The following FRMD4A variants were observed in gnomAD, a reference collection of about 807,000 sequenced individuals.
The protein encoded by FRMD4A is FERM domain containing 4A.
A neutral mutation model predicts 129.1 loss-of-function variants in FRMD4A; 29 were observed. The ratio of observed to expected loss-of-function variants is 0.22; its 90% CI spans 0.17 to 0.31. The LOEUF is 0.31. Among genes scored for constraint, FRMD4A ranks in the 10% least tolerant of loss-of-function variants. The pLI, the probability that FRMD4A is intolerant of heterozygous loss-of-function variation, is 1.00. For missense variants in FRMD4A, 1,272 were observed against 1,375.8 expected (o/e 0.92, Z 1.19); for synonymous variants, 634 against 571.6 (o/e 1.11, Z -1.56).
intron 14 of FRMD4A, among the ~76,000 whole-genome samples, chr10:13,695,598 G>GT (rs2134840780): frequency 6.6e-6 from 1 of 152,344 alleles, no homozygotes; most frequent in Admixed American, 6.5e-5. Flanking sequence ...GGCTTTGCCA[G>GT]TACACAGAAC....
At chr10:13,684,954 G>T in intron 15 of FRMD4A, 5 of 984,552 alleles carry the variant, frequency 5.1e-6, no homozygotes, top group Non-Finnish European at 6.0e-6. Context: ...AGACATCCCA[G>T]GAATAAATAT....
chr10:14,270,029 C>G (rs1028940768), intron 2 of FRMD4A, among the ~76,000 whole-genome samples: 2 of 152,210 alleles, frequency 1.3e-5, no homozygotes, highest in African/African-American at 4.8e-5. Flanking sequence ...CCATCTTCTC[C>G]TGTCCTTGGA....
Position 13,788,758 on chromosome 10 carries a change from A to G in FRMD4A, c.300-5752T>C, listed in dbSNP as rs185529762. Among the ~76,000 whole-genome samples, 204 of 152,354 alleles carry G rather than the reference A, an allele frequency of 1.3e-3. 6 individuals carry two copies. Among genetic ancestry groups the G allele is most frequent in the South Asian group, 2.5e-3 (12 of 4,826 alleles). On this transcript the variant is annotated intron_variant, in intron 5 of 24. Coordinates refer to ENST00000357447, the MANE Select transcript of FRMD4A (RefSeq NM_018027.5). ...ATCAGAGAGTCTGAAGGAGAACGAAATAGGTGCTCTGTGTTTATGTGTTTG... is the reference window on the plus strand; with the variant it reads ...ATCAGAGAGTCTGAAGGAGAACGAAGTAGGTGCTCTGTGTTTATGTGTTTG...
intron 2 of FRMD4A, among the ~76,000 whole-genome samples, chr10:14,221,281 T>C (rs1843251034): frequency 6.6e-6 from 1 of 152,098 alleles, no homozygotes; most frequent in Non-Finnish European, 1.5e-5. Flanking sequence ...TGGCTGTCCA[T>C]AGGTCAGGGA....
At chr10:13,744,681 C>G (rs571647492) in intron 9 of FRMD4A, 54 of 152,256 alleles carry the variant, frequency 3.5e-4, no homozygotes, top group African/African-American at 1.2e-3. Context: ...CAGGAAAGCC[C>G]CCGAAGAATG....
At chr10:14,282,807 G>A (rs1194145493) in intron 2 of FRMD4A, among the ~76,000 whole-genome samples, 1 of 152,224 alleles carries the variant, frequency 6.6e-6, no homozygotes, top group East Asian at 1.9e-4. Flanking sequence ...TTAAAATTAG[G>A]GTTCTTCAAG....
rs1489766458 is a variant in FRMD4A, at chr10:14,185,417, GT to G, written c.45+144640del. 6.6e-5 allele frequency among the ~76,000 whole-genome samples: 10 copies of G among 152,190 alleles called. No homozygotes were observed. The East Asian group carries it at 1.2e-3, about 18-fold the overall frequency. Reference sequence around the variant, plus strand: ...CATGAAAAAATCTACCACCCTAAGCGTAAGGAGAGCTAGTACAGATGAGGAT... The same window carrying G: ...CATGAAAAAATCTACCACCCTAAGCGAAGGAGAGCTAGTACAGATGAGGAT... On this transcript the variant is annotated intron_variant, in intron 2 of 24. Transcript: ENST00000357447.
At chr10:14,103,465 A>T (rs1239786866) in intron 2 of FRMD4A, among the ~76,000 whole-genome samples, 2 of 152,210 alleles carry the variant, frequency 1.3e-5, no homozygotes, top group Non-Finnish European at 2.9e-5. Context: ...GAGGAGCAAA[A>T]TTATACCAGA....
At chr10:14,220,923 C>A (rs895891377) in intron 2 of FRMD4A, among the ~76,000 whole-genome samples, 1 of 151,766 alleles carries the variant, frequency 6.6e-6, no homozygotes, top group African/African-American at 2.4e-5. Flanking sequence ...AGAGCAGAAC[C>A]CTACCATATT....
chr10:13,902,483 G>GAGAGAGAGAGAGTGAC (rs1376057266), intron 2 of FRMD4A, among the ~76,000 whole-genome samples: 2 of 151,256 alleles, frequency 1.3e-5, no homozygotes, highest in Non-Finnish European at 2.9e-5. Context: ...GAGAGAGAGA[G>GAGAGAGAGAGAGTGAC]AGAGAGAGTG....
chr10:13,891,524 G>A, intron 2 of FRMD4A: 1 of 825,358 alleles, frequency 1.2e-6, no homozygotes, highest in South Asian at 5.5e-5. Context: ...AGAAGCAGCG[G>A]CGCGTCCCTT....
chr10:13,828,162 CTCTT>C (rs1350366469), intron 3 of FRMD4A, among the ~76,000 whole-genome samples: 1 of 152,198 alleles, frequency 6.6e-6, no homozygotes, highest in Non-Finnish European at 1.5e-5. Context: ...TTATCCACAT[CTCTT>C]TTTTTCTTAT....
In FRMD4A at chr10:14,183,526, C is replaced by CT. The variant is rs59446931; in HGVS notation, c.45+146531dup. ...TCTTCATAGCTCTAAGGAGTTGTTT[C>CT]TTTTTTTTTTTTCAAATCACTCCTG... On this transcript the variant is annotated intron_variant, in intron 2 of 24. Coordinates refer to ENST00000357447, the MANE Select transcript of FRMD4A (RefSeq NM_018027.5). Among the ~76,000 whole-genome samples the CT allele has an allele frequency of 8.8e-4, 126 of 143,368 alleles. 1 individual carries two copies. The highest frequency in any genetic ancestry group is 4.7e-3 in the Admixed American group (67 of 14,232). 94.1% of individuals were successfully genotyped at this position (143,368 alleles called of 152,430 possible).
At chr10:13,933,536 C>T (rs908423141) in intron 2 of FRMD4A, among the ~76,000 whole-genome samples, 3 of 152,188 alleles carry the variant, frequency 2.0e-5, no homozygotes, top group African/African-American at 7.2e-5. Context: ...AGTAACATTA[C>T]TACATTTGAA....
intron 12 of FRMD4A, 61 bp from the exon 13 acceptor site, chr10:13,707,174 C>T (rs1589472139): frequency 3.0e-6 from 3 of 1,005,086 alleles, no homozygotes; most frequent in Admixed American, 1.7e-5. Context: ...CCATCTTCCC[C>T]TCTCTGCTGG....
At chr10:13,831,971 C>T (rs900320083) in intron 3 of FRMD4A, among the ~76,000 whole-genome samples, 5 of 152,086 alleles carry the variant, frequency 3.3e-5, no homozygotes, top group African/African-American at 7.2e-5. Context: ...CCTGCTGGCA[C>T]GTAATCTTCA....
intron 2 of FRMD4A, among the ~76,000 whole-genome samples, chr10:13,895,670 G>C (rs2094749113): frequency 6.6e-6 from 1 of 152,206 alleles, no homozygotes; most frequent in Non-Finnish European, 1.5e-5. Flanking sequence ...TGACAAATGG[G>C]ATCTAATCCA....
At chr10:14,264,869 C>A (rs961744101) in intron 2 of FRMD4A, among the ~76,000 whole-genome samples, 4 of 152,170 alleles carry the variant, frequency 2.6e-5, no homozygotes, top group African/African-American at 9.7e-5. Flanking sequence ...GCAATCTCCG[C>A]CTCCTGGGTT....
chr10:13,858,504 G>C (rs1279907228), intron 3 of FRMD4A, among the ~76,000 whole-genome samples: 1 of 152,192 alleles, frequency 6.6e-6, no homozygotes, highest in Non-Finnish European at 1.5e-5. Context: ...GAGCAAGGAA[G>C]ACTAAATCAA....
Sources: gnomAD v4.1 joint callset for allele counts (sites outside exome capture counted in the v4.1 genomes callset) on GRCh38, gnomAD v4.1.1 for gene constraint, MANE v1.5 for transcripts, NCBI Gene and HGNC (gene_info 2026-07-23, HGNC 2026-07-21) for gene names.